CD226: variants seen among roughly 807,000 people sequenced by gnomAD.
CD226 encodes CD226 antigen.
In CD226, 24 loss-of-function variants were observed where a neutral mutation model predicts 34.9. That is an observed-to-expected ratio of 0.69 (90% CI 0.50 to 0.97). The LOEUF is 0.97. Among genes scored for constraint, CD226 ranks in the 50% least tolerant of loss-of-function variants. CD226 has a pLI of 0.00. For missense variants in CD226, 397 were observed against 412.7 expected, an observed-to-expected ratio of 0.96 and a Z score of 0.33; for synonymous variants, 148 against 147.4, an observed-to-expected ratio of 1.00 and a Z score of -0.03.
At chr18:69,929,904 C>G (rs1213811892) in intron 2 of CD226, among the ~76,000 whole-genome samples, 1 of 152,152 alleles carries the variant, frequency 6.6e-6, no homozygotes, top group Non-Finnish European at 1.5e-5. Flanking sequence ...CTCTGTGTGT[C>G]TCTCTCTAGC....
At chr18:69,957,763 T>TA (rs1238608146), upstream of CD226, among the ~76,000 whole-genome samples, 1 of 152,116 alleles carries the variant, frequency 6.6e-6, no homozygotes, top group African/African-American at 2.4e-5. Flanking sequence ...ACACAAGTGT[T>TA]TACTAAGACT....
chr18:69,943,174 A>G (rs565246978), intron 2 of CD226, among the ~76,000 whole-genome samples: 48 of 152,226 alleles, frequency 3.2e-4, no homozygotes, highest in Non-Finnish European at 1.8e-4. Context: ...ATGAAATGAC[A>G]CGCAGTTGCA....
Position 69,856,716 on chromosome 18 carries a change from A to C in CD226, c.*7598T>G, listed in dbSNP as rs772231234. 1 of 152,226 alleles carries C rather than the reference A, an allele frequency of 6.6e-6. No individual in the cohort carries two copies. Among genetic ancestry groups the C allele is most frequent in the Non-Finnish European group, 1.5e-5 (1 of 68,032 alleles). The allele number at this position is 152,226 out of a possible 1,614,324, so 9.4% of individuals were successfully genotyped here. ...ACATTGTAAATAATTCATGGCTCAA[A>C]GAAGAAATATCAAAAGAAATTTTAA... On this transcript the variant is annotated 3_prime_UTR_variant, in exon 6 of 6. Transcript: ENST00000582621.
intron 2 of CD226, among the ~76,000 whole-genome samples, chr18:69,908,004 A>C (rs1048183223): frequency 5.3e-5 from 8 of 151,810 alleles, no homozygotes; most frequent in African/African-American, 1.4e-4. Flanking sequence ...CAATTTAAAA[A>C]TTAATAACAA....
chr18:69,930,476 G>C (rs2055575815), intron 2 of CD226, among the ~76,000 whole-genome samples: 1 of 152,072 alleles, frequency 6.6e-6, no homozygotes, highest in African/African-American at 2.4e-5. Context: ...AAAAACTAGA[G>C]ACATAGGGAC....
intron 1 of CD226, among the ~76,000 whole-genome samples, chr18:69,953,177 G>A (rs777848765): frequency 2.0e-5 from 3 of 152,158 alleles, no homozygotes; most frequent in East Asian, 1.9e-4. Context: ...TCTTCAAAAC[G>A]TTCAACAGGA....
upstream of CD226, among the ~76,000 whole-genome samples, chr18:69,958,269 A>G (rs978648897): frequency 6.6e-6 from 1 of 152,172 alleles, no homozygotes; most frequent in African/African-American, 2.4e-5. Context: ...ATCCTTGCAC[A>G]GGGCCCTTGA....
upstream of CD226, among the ~76,000 whole-genome samples, chr18:69,949,351 T>C (rs888195522): frequency 2.0e-5 from 3 of 152,130 alleles, 1 homozygote; most frequent in African/African-American, 7.2e-5. Context: ...CAGAACAAAC[T>C]GGAGTGGCAA....
At chr18:69,953,581 T>C (rs922068697) in intron 1 of CD226, among the ~76,000 whole-genome samples, 3 of 152,168 alleles carry the variant, frequency 2.0e-5, no homozygotes, top group Non-Finnish European at 4.4e-5. Flanking sequence ...AAGGAGGGAA[T>C]AGGGAGTGAC....
intron 2 of CD226, among the ~76,000 whole-genome samples, chr18:69,910,118 A>G (rs1307692679): frequency 2.0e-5 from 3 of 152,236 alleles, no homozygotes; most frequent in African/African-American, 7.2e-5. Context: ...TCTCTTATGC[A>G]TTTTAAAATT....
At chr18:69,870,571 G>A (rs1167676074) in intron 4 of CD226, among the ~76,000 whole-genome samples, 1 of 152,100 alleles carries the variant, frequency 6.6e-6, no homozygotes, top group Non-Finnish European at 1.5e-5. Context: ...CACCATGCCT[G>A]GCCATATTTT....
chr18:69,928,810 AGAGT>A (rs1378680914), intron 2 of CD226, among the ~76,000 whole-genome samples: 1 of 152,222 alleles, frequency 6.6e-6, no homozygotes, highest in Non-Finnish European at 1.5e-5. Flanking sequence ...TGTAGTACAC[AGAGT>A]GAAAGAGTAA....
chr18:69,888,982 T>C (rs1301419824), intron 3 of CD226, among the ~76,000 whole-genome samples: 1 of 152,106 alleles, frequency 6.6e-6, no homozygotes, highest in Non-Finnish European at 1.5e-5. Flanking sequence ...AAAAAATGAA[T>C]AGATCAATAC....
At chr18:69,927,363 TACACACAC>T (rs147765877) in intron 2 of CD226, among the ~76,000 whole-genome samples, 4 of 147,524 alleles carry the variant, frequency 2.7e-5, no homozygotes, top group African/African-American at 4.9e-5. Context: ...ACTAAGACAC[TACACACAC>T]ACACACACAC....
chr18:69,903,048 G>A (rs932690306), intron 2 of CD226, among the ~76,000 whole-genome samples: 3 of 152,126 alleles, frequency 2.0e-5, no homozygotes, highest in Non-Finnish European at 4.4e-5. Context: ...GAAATAGAAA[G>A]GCAAGTTCCC....
chr18:69,898,388 A>G (rs940083214), intron 2 of CD226, among the ~76,000 whole-genome samples: 2 of 152,080 alleles, frequency 1.3e-5, no homozygotes, highest in Admixed American at 1.3e-4. Flanking sequence ...TATCTAACCA[A>G]AACCATGCTG....
At chr18:69,930,692 G>A (rs1435785600) in intron 2 of CD226, among the ~76,000 whole-genome samples, 1 of 152,260 alleles carries the variant, frequency 6.6e-6, no homozygotes, top group South Asian at 2.1e-4. Context: ...ATAAGCATGT[G>A]CTCACCCGCA....
chr18:69,942,329 T>C (rs1449321397), intron 2 of CD226, among the ~76,000 whole-genome samples: 1 of 152,218 alleles, frequency 6.6e-6, no homozygotes, highest in East Asian at 1.9e-4. Flanking sequence ...TAGCAGTGTG[T>C]AAAGGTTCCA....
At chr18:69,890,266 C>T (rs1984812131) in intron 3 of CD226, among the ~76,000 whole-genome samples, 1 of 152,156 alleles carries the variant, frequency 6.6e-6, no homozygotes, top group African/African-American at 2.4e-5. Flanking sequence ...AATCCTTAAT[C>T]TCAATTAATT....
Sources: gnomAD v4.1 joint callset for allele counts (sites outside exome capture counted in the v4.1 genomes callset) on GRCh38, gnomAD v4.1.1 for gene constraint, MANE v1.5 for transcripts, NCBI Gene and HGNC (gene_info 2026-07-23, HGNC 2026-07-21) for gene names.